Variants in KCNB2 observed in about 807,000 individuals in gnomAD.
KCNB2 encodes potassium voltage-gated channel subfamily B member 2, also known as delayed rectifier potassium channel protein.
A neutral mutation model predicts 61.5 loss-of-function variants in KCNB2; 15 were observed. That is an observed-to-expected ratio of 0.24 (90% CI 0.16 to 0.38). KCNB2 has a LOEUF of 0.38. KCNB2 is among the 10% of genes least tolerant of loss of function. The probability of loss-of-function intolerance (pLI) is 1.00; values close to 1 mark genes in which losing one functional copy is unlikely to be tolerated. For synonymous variants in KCNB2, 457 were observed against 446.0 expected, an observed-to-expected ratio of 1.02 and a Z score of -0.31; for missense variants, 828 against 1,125.2, an observed-to-expected ratio of 0.74 and a Z score of 3.78.
chr8:72,713,585 G>A (rs1007704922), intron 2 of KCNB2, among the ~76,000 whole-genome samples: 17 of 152,202 alleles, frequency 1.1e-4, no homozygotes, highest in African/African-American at 7.2e-5. Context: ...TCCAACAGAC[G>A]TGCAGCTGAG....
chr8:72,706,765 A>G (rs1478688035), intron 2 of KCNB2, among the ~76,000 whole-genome samples: 1 of 152,264 alleles, frequency 6.6e-6, no homozygotes, highest in Non-Finnish European at 1.5e-5. Flanking sequence ...CAAAGTTGCC[A>G]CAAATTTCTT....
At chr8:72,711,697 TA>T in intron 2 of KCNB2, among the ~76,000 whole-genome samples, 1 of 152,164 alleles carries the variant, frequency 6.6e-6, no homozygotes, top group Non-Finnish European at 1.5e-5. Flanking sequence ...TTTAAAAAGT[TA>T]ATTAACTTGG....
chr8:72,655,937 A>G (rs775853472), intron 2 of KCNB2, among the ~76,000 whole-genome samples: 2 of 152,140 alleles, frequency 1.3e-5, no homozygotes, highest in African/African-American at 2.4e-5. Flanking sequence ...CAGGGAGTAC[A>G]TAGTCAGATG....
intron 1 of KCNB2, among the ~76,000 whole-genome samples, chr8:72,538,219 G>T (rs916769388): frequency 7.2e-5 from 11 of 152,156 alleles, no homozygotes; most frequent in Non-Finnish European, 1.3e-4. Flanking sequence ...TGTGGGACTG[G>T]ATTTAGGGAG....
chr8:72,628,400 GGTGTGTGTGTGTGTGTGTGTGTGTGT>G (rs1160601490), intron 2 of KCNB2, among the ~76,000 whole-genome samples: 2 of 47,340 alleles, frequency 4.2e-5, no homozygotes, highest in African/African-American at 6.3e-5. Flanking sequence ...CCTGTTAGGG[GGTGTGTGTGTGTGTGTGTGTGTGTGT>G]GTGTGTGTGT....
rs1472002267 is a variant in KCNB2 at position 72,561,791 on chromosome 8, A to G, written c.-93-5851A>G. On this transcript the variant is annotated intron_variant, in intron 1 of 2. Coordinates refer to ENST00000523207, the MANE Select transcript of KCNB2 (RefSeq NM_004770.3). The stretch of plus-strand genomic sequence containing the variant: ...TATATATATATGGATATATATATAC[A>G]TATATATATATATGAATGATAGTTT... Among the ~76,000 whole-genome samples, 45 of 79,794 alleles carry G rather than the reference A, an allele frequency of 5.6e-4. 1 individual carries two copies. Among genetic ancestry groups the G allele is most frequent in the African/African-American group, 2.6e-3 (42 of 15,896 alleles). The allele number at this position is 79,794 out of a possible 152,430, so 52.3% of individuals were successfully genotyped here. A position where few individuals can be genotyped will look rare whatever the true frequency, so the allele number is the denominator to read the frequency against.
intron 2 of KCNB2, among the ~76,000 whole-genome samples, chr8:72,767,036 A>C (rs1978905): frequency 1.3e-5 from 2 of 151,804 alleles, no homozygotes; most frequent in African/African-American, 4.8e-5. Context: ...ATCAGATCTC[A>C]TGAGACTTAT....
intron 2 of KCNB2, among the ~76,000 whole-genome samples, chr8:72,770,051 T>C (rs1448583198): frequency 2.0e-5 from 3 of 152,170 alleles, no homozygotes; most frequent in African/African-American, 7.2e-5. Flanking sequence ...CTCTCATCAA[T>C]TGGAGAGTCA....
chr8:72,859,706 C>A (rs1189052881), intron 2 of KCNB2, among the ~76,000 whole-genome samples: 3 of 73,444 alleles, frequency 4.1e-5, no homozygotes, highest in Admixed American at 3.7e-4. Context: ...TACTTCATTT[C>A]GTTTTTTTTT....
intron 2 of KCNB2, among the ~76,000 whole-genome samples, chr8:72,585,940 G>T (rs1037959653): frequency 6.6e-6 from 1 of 152,096 alleles, no homozygotes. Context: ...CATTTAAAAG[G>T]GTATGGTATT....
At chr8:72,914,002 C>T (rs1192385542) in intron 2 of KCNB2, among the ~76,000 whole-genome samples, 1 of 152,152 alleles carries the variant, frequency 6.6e-6, no homozygotes, top group Non-Finnish European at 1.5e-5. Context: ...GCAACAAATA[C>T]CATATACTGA....
chr8:72,794,302 C>G (rs1808991630), intron 2 of KCNB2, among the ~76,000 whole-genome samples: 1 of 152,116 alleles, frequency 6.6e-6, no homozygotes. Flanking sequence ...CACGGTGGCT[C>G]ACGCCTGTAA....
chr8:72,677,391 G>A (rs1331530201), intron 2 of KCNB2, among the ~76,000 whole-genome samples: 2 of 152,170 alleles, frequency 1.3e-5, no homozygotes, highest in Admixed American at 1.3e-4. Context: ...TCGATCCTCA[G>A]GACAATTTCC....
intron 2 of KCNB2, among the ~76,000 whole-genome samples, chr8:72,934,339 AC>A (rs1239274016): frequency 4.2e-5 from 6 of 143,816 alleles, no homozygotes; most frequent in Non-Finnish European, 9.0e-5. Flanking sequence ...CTGAGATTGC[AC>A]CACTGCACTC....
intron 2 of KCNB2, among the ~76,000 whole-genome samples, chr8:72,646,576 C>T (rs528659314): frequency 6.6e-5 from 10 of 152,238 alleles, no homozygotes; most frequent in Admixed American, 2.6e-4. Flanking sequence ...TATGCTACAA[C>T]ATGGATGAAC....
rs1429121871 is a variant in KCNB2 at position 72,851,839 on chromosome 8, A to AAAAAAACAAAAC, written c.580-84090_580-84089insCAAAACAAAAAA. Reference sequence around the variant, plus strand: ...TAGAAGCTGTAGGAAAAAAAAAAAAAAAAAAAAAACACGTACTGCTGAGTT... The same window carrying AAAAAAACAAAAC: ...TAGAAGCTGTAGGAAAAAAAAAAAAAAAAAAACAAAACAAAAAAAAACACGTACTGCTGAGTT... On this transcript the variant is annotated intron_variant, in intron 2 of 2. Coordinates refer to ENST00000523207, the MANE Select transcript of KCNB2 (RefSeq NM_004770.3). Among the ~76,000 whole-genome samples, 62 of 146,080 alleles carry AAAAAAACAAAAC rather than the reference A, an allele frequency of 4.2e-4. 3 individuals are homozygous for AAAAAAACAAAAC. Among genetic ancestry groups the AAAAAAACAAAAC allele is most frequent in the African/African-American group, 1.5e-3 (58 of 38,816 alleles).
intron 2 of KCNB2, among the ~76,000 whole-genome samples, chr8:72,825,002 T>A (rs150142632): frequency 1.3e-5 from 2 of 152,304 alleles, no homozygotes; most frequent in African/African-American, 4.8e-5. Context: ...CCTCCAGAAT[T>A]TTTTTATCTT....
At chr8:72,610,188 A>C (rs566022449) in intron 2 of KCNB2, among the ~76,000 whole-genome samples, 1 of 152,298 alleles carries the variant, frequency 6.6e-6, no homozygotes, top group African/African-American at 2.4e-5. Flanking sequence ...TGACTCTTAA[A>C]GCTCTCCAAA....
rs146530934 is a variant in KCNB2, at chr8:72,568,088, G to A, written c.354G>A (p.Ser118=). The A allele has an allele frequency of 9.9e-6, 16 of 1,614,092 alleles. No homozygotes were observed. Among genetic ancestry groups the A allele is most frequent in the South Asian group, 9.9e-5 (9 of 91,072 alleles). ...TGATGGAAGAAATGTGTGCACTTTC[G>A]TTTGGCCAAGAACTTGATTACTGGG... The part of the protein sequence containing the change: ...LHMMEEMCAL[S]FGQELDYWGI... Residue 118 remains serine, a synonymous_variant, in exon 2 of 3, where the codon TCG becomes TCA. Coordinates refer to ENST00000523207, the MANE Select transcript of KCNB2 (RefSeq NM_004770.3).
Sources: gnomAD v4.1 joint callset for allele counts (sites outside exome capture counted in the v4.1 genomes callset) on GRCh38, gnomAD v4.1.1 for gene constraint, MANE v1.5 for transcripts, NCBI Gene and HGNC (gene_info 2026-07-23, HGNC 2026-07-21) for gene names.